Variants in DLG2 observed in about 807,000 individuals in gnomAD.
DLG2 encodes the protein discs large MAGUK scaffold protein 2.
In DLG2, 45 loss-of-function variants were observed where a neutral mutation model predicts 132.5. The observed-to-expected ratio is 0.34, with a 90% CI of 0.27 to 0.44. The LOEUF is 0.44. Ranked by LOEUF, DLG2 falls within the 20% of genes least tolerant of loss-of-function variation. The probability of loss-of-function intolerance (pLI) is 1.00; values close to 1 mark genes in which losing one functional copy is unlikely to be tolerated. For synonymous variants in DLG2, 424 were observed against 419.6 expected, an observed-to-expected ratio of 1.01 and a Z score of -0.13; for missense variants, 1,045 against 1,196.9, an observed-to-expected ratio of 0.87 and a Z score of 1.87.
intron 15 of DLG2, among the ~76,000 whole-genome samples, chr11:83,921,803 C>G (rs988954386): frequency 1.3e-5 from 2 of 152,124 alleles, no homozygotes; most frequent in South Asian, 2.1e-4. Flanking sequence ...CTAAAACTAA[C>G]AGAAAATATT....
intron 3 of DLG2, among the ~76,000 whole-genome samples, chr11:85,501,737 C>A (rs1040147397): frequency 6.6e-6 from 1 of 151,964 alleles, no homozygotes; most frequent in African/African-American, 2.4e-5. Flanking sequence ...TCACACCAGT[C>A]AGAATGGTGA....
intron 5 of DLG2, among the ~76,000 whole-genome samples, chr11:85,150,010 ATTTTTTTTT>A (rs962380618): frequency 1.6e-3 from 177 of 112,300 alleles, no homozygotes; most frequent in Non-Finnish European, 1.5e-3. Context: ...TCAGTTTTTA[ATTTTTTTTT>A]TTTTTTTTTT....
intron 2 of DLG2, among the ~76,000 whole-genome samples, chr11:85,607,340 G>A (rs1001022522): frequency 1.3e-5 from 2 of 152,272 alleles, no homozygotes; most frequent in Admixed American, 6.5e-5. Context: ...GCCAAGGGTC[G>A]ACAGAGGGGA....
At chr11:84,304,243 A>G (rs1334388456) in intron 7 of DLG2, among the ~76,000 whole-genome samples, 1 of 152,210 alleles carries the variant, frequency 6.6e-6, no homozygotes, top group Non-Finnish European at 1.5e-5. Flanking sequence ...TTGAACAGCT[A>G]TGCTACTGTG....
intron 11 of DLG2, among the ~76,000 whole-genome samples, chr11:84,008,924 T>G (rs1050594491): frequency 2.3e-5 from 3 of 131,898 alleles, no homozygotes; most frequent in Non-Finnish European, 4.9e-5. Context: ...TTTTTTCTTG[T>G]TTTTTTTTTT....
At chr11:83,707,502 T>G (rs190345670) in intron 18 of DLG2, among the ~76,000 whole-genome samples, 2 of 152,306 alleles carry the variant, frequency 1.3e-5, no homozygotes, top group East Asian at 3.9e-4. Context: ...AAAACCCATC[T>G]TTATTAAAAA....
chr11:84,912,786 G>A (rs1421418167), intron 6 of DLG2, among the ~76,000 whole-genome samples: 1 of 152,214 alleles, frequency 6.6e-6, no homozygotes, highest in Admixed American at 6.5e-5. Context: ...AGTAGGTCTC[G>A]CAGAAGGTAA....
chr11:83,680,841 TA>T (rs1162904164), intron 18 of DLG2, among the ~76,000 whole-genome samples: 1 of 152,014 alleles, frequency 6.6e-6, no homozygotes, highest in Non-Finnish European at 1.5e-5. Flanking sequence ...CCAAAATATT[TA>T]TGCAAAAAAT....
chr11:84,781,087 G>GTGTGTA (rs1206200377), intron 6 of DLG2, among the ~76,000 whole-genome samples: 1 of 146,178 alleles, frequency 6.8e-6, no homozygotes, highest in Admixed American at 6.8e-5. Flanking sequence ...GTGTGTGTGT[G>GTGTGTA]TATACTTTCT....
At position 84,259,814 on chromosome 11, in the gene DLG2, C is replaced by T. The variant is rs538098086; in HGVS notation, c.520-8523G>A. 1.2e-3 allele frequency among the ~76,000 whole-genome samples: 179 copies of T among 152,240 alleles called. 2 individuals carry two copies. Among genetic ancestry groups the T allele is most frequent in the African/African-American group, 4.1e-3 (172 of 41,542 alleles). On this transcript the variant is annotated intron_variant, in intron 7 of 27. Transcript: ENST00000376104. ...TAACAAAACTAATAACAGTAAGTAA[C>T]TCGCCCAAGGTCATTCAGCTGGTAA...
intron 11 of DLG2, among the ~76,000 whole-genome samples, chr11:83,990,897 T>C (rs899603740): frequency 1.3e-5 from 2 of 152,100 alleles, no homozygotes; most frequent in Non-Finnish European, 2.9e-5. Context: ...ACACAGAATC[T>C]ATCTTGAACC....
intron 7 of DLG2, among the ~76,000 whole-genome samples, chr11:84,385,067 A>G (rs1172859031): frequency 6.6e-6 from 1 of 152,040 alleles, no homozygotes; most frequent in African/African-American, 2.4e-5. Context: ...ATAACTCCCA[A>G]TTTGCCTCTG....
At chr11:83,825,068 TAC>T (rs1349728970) in intron 17 of DLG2, among the ~76,000 whole-genome samples, 36 of 148,876 alleles carry the variant, frequency 2.4e-4, no homozygotes, top group African/African-American at 8.1e-4. Flanking sequence ...TTTTTATATA[TAC>T]ACATATATAT....
intron 6 of DLG2, among the ~76,000 whole-genome samples, chr11:84,863,375 T>G (rs1336807392): frequency 6.6e-6 from 1 of 152,292 alleles, no homozygotes; most frequent in East Asian, 1.9e-4. Flanking sequence ...TTCTTTTCCT[T>G]CATAATGTTT....
intron 3 of DLG2, among the ~76,000 whole-genome samples, chr11:85,518,645 G>A (rs1212913251): frequency 6.6e-6 from 1 of 152,282 alleles, no homozygotes; most frequent in South Asian, 2.1e-4. Context: ...AATTCAAGCT[G>A]ACTGCAGAAA....
intron 18 of DLG2, among the ~76,000 whole-genome samples, chr11:83,773,702 C>T (rs2094481059): frequency 6.6e-6 from 1 of 152,180 alleles, no homozygotes; most frequent in African/African-American, 2.4e-5. Flanking sequence ...CTTTGTTACC[C>T]ATAGTTCGAA....
chr11:83,492,071 A>T (rs1395222681), intron 21 of DLG2, among the ~76,000 whole-genome samples: 1 of 152,090 alleles, frequency 6.6e-6, no homozygotes, highest in African/African-American at 2.4e-5. Flanking sequence ...TTTGCAGCAA[A>T]GATCAGATGG....
intron 5 of DLG2, among the ~76,000 whole-genome samples, chr11:85,131,045 C>T (rs940306545): frequency 3.3e-5 from 5 of 151,710 alleles, no homozygotes; most frequent in African/African-American, 1.2e-4. Flanking sequence ...TTTGTTGATT[C>T]GTATAATTTA....
At chr11:85,100,541 G>A (rs896306501) in intron 6 of DLG2, among the ~76,000 whole-genome samples, 7 of 152,152 alleles carry the variant, frequency 4.6e-5, no homozygotes, top group African/African-American at 9.6e-5. Flanking sequence ...AGTGATGGCC[G>A]AAAAGATCAA....
Sources: gnomAD v4.1 joint callset for allele counts (sites outside exome capture counted in the v4.1 genomes callset) on GRCh38, gnomAD v4.1.1 for gene constraint, MANE v1.5 for transcripts, NCBI Gene and HGNC (gene_info 2026-07-23, HGNC 2026-07-21) for gene names.